ATP8A2: variants seen among roughly 807,000 people sequenced by gnomAD.
ATP8A2 encodes phospholipid-transporting ATPase IB.
A neutral mutation model predicts 165.6 loss-of-function variants in ATP8A2; 100 were observed. The observed-to-expected ratio is 0.60, with a 90% CI of 0.51 to 0.71. The LOEUF (loss-of-function observed/expected upper bound fraction) is 0.71, where lower values mean the gene tolerates loss of function less well. ATP8A2 is among the 30% of genes least tolerant of loss of function. ATP8A2 has a pLI of 0.00. For synonymous variants in ATP8A2, 543 were observed against 548.8 expected, an observed-to-expected ratio of 0.99 and a Z score of 0.15; for missense variants, 1,227 against 1,479.5, an observed-to-expected ratio of 0.83 and a Z score of 2.80.
At position 26,020,721 on chromosome 13, in the gene ATP8A2, G is replaced by A. The variant is rs1021633088; in HGVS notation, c.*736G>A. ...GGCTGGCCACACCACTCAGTGCATG[G>A]CGGCCGATGGGCAGCCAACCCAAAC... On this transcript the variant is annotated 3_prime_UTR_variant, in exon 37 of 37. Transcript: ENST00000381655. 1 of 152,494 alleles carries A rather than the reference G, an allele frequency of 6.6e-6. No homozygotes were observed. The highest frequency in any genetic ancestry group is 2.4e-5 in the African/African-American group (1 of 41,460). The allele number at this position is 152,494 out of a possible 1,614,324, so 9.4% of individuals were successfully genotyped here. A position where few individuals can be genotyped will look rare whatever the true frequency, so the allele number is the denominator to read the frequency against.
intron 25 of ATP8A2, among the ~76,000 whole-genome samples, chr13:25,719,551 G>C (rs543840796): frequency 5.3e-5 from 8 of 152,136 alleles, no homozygotes; most frequent in Non-Finnish European, 1.0e-4. Context: ...CAGAACATTT[G>C]TTACTCACCT....
chr13:25,493,064 A>C (rs918309352), intron 2 of ATP8A2, among the ~76,000 whole-genome samples: 3 of 152,216 alleles, frequency 2.0e-5, no homozygotes, highest in Non-Finnish European at 4.4e-5. Flanking sequence ...CTGTCCAATT[A>C]GTCAGTTTGA....
intron 26 of ATP8A2, among the ~76,000 whole-genome samples, chr13:25,769,712 T>C (rs1171367826): frequency 2.0e-5 from 3 of 152,126 alleles, no homozygotes; most frequent in Non-Finnish European, 4.4e-5. Flanking sequence ...GCTGTCGCCT[T>C]CTCTGTAGTT....
intron 25 of ATP8A2, among the ~76,000 whole-genome samples, chr13:25,708,602 A>G (rs769905552): frequency 6.6e-6 from 1 of 152,138 alleles, no homozygotes; most frequent in Non-Finnish European, 1.5e-5. Context: ...AAACCATAAA[A>G]AAAAAACTCC....
chr13:25,403,974 A>C (rs1355911561), intron 1 of ATP8A2, among the ~76,000 whole-genome samples: 1 of 152,220 alleles, frequency 6.6e-6, no homozygotes, highest in African/African-American at 2.4e-5. Flanking sequence ...TCATTCACTC[A>C]TCCATCCATT....
intron 33 of ATP8A2, among the ~76,000 whole-genome samples, chr13:25,914,244 G>A (rs953047192): frequency 3.3e-5 from 5 of 151,852 alleles, no homozygotes; most frequent in African/African-American, 9.7e-5. Flanking sequence ...TTTTCCTATG[G>A]TATCACTTCC....
At chr13:25,731,341 A>G (rs1252681632) in intron 25 of ATP8A2, among the ~76,000 whole-genome samples, 1 of 127,662 alleles carries the variant, frequency 7.8e-6, no homozygotes, top group Non-Finnish European at 1.7e-5. Context: ...AGAAAGGGAA[A>G]GAAGAAAGAA....
At chr13:25,786,650 A>G (rs2045033737) in intron 27 of ATP8A2, among the ~76,000 whole-genome samples, 1 of 151,916 alleles carries the variant, frequency 6.6e-6, no homozygotes, top group Non-Finnish European at 1.5e-5. Flanking sequence ...GGTTGCCTTT[A>G]TTCTACTGAA....
In ATP8A2 at chr13:25,553,799, C is replaced by T. The variant is rs1427750623; in HGVS notation, c.1064C>T (p.Thr355Ile). The T allele has an allele frequency of 2.5e-6, 4 of 1,612,744 alleles. No homozygotes were observed. The highest frequency in any genetic ancestry group is 1.3e-5 in the African/African-American group (1 of 74,890). ...KNWYIKKMDTTSDNFGYNLLT... is the reference protein window; with the variant it reads ...KNWYIKKMDTISDNFGYNLLT... ...CTCTGGTTTCCTTCCACAGACACCACCTCAGATAATTTTGGATACAACCTA... is the reference window on the plus strand; with the variant it reads ...CTCTGGTTTCCTTCCACAGACACCATCTCAGATAATTTTGGATACAACCTA... Residue 355 changes from threonine to isoleucine, a missense_variant, in exon 12 of 37, where the codon ACC becomes ATC. Physicochemically the swap from Thr to Ile is moderately conservative, Grantham distance 89. Transcript: ENST00000381655.
At position 25,924,899 on chromosome 13, in the gene ATP8A2, G is replaced by A. The variant is rs759041913; in HGVS notation, c.3184-36676G>A. On this transcript the variant is annotated intron_variant, in intron 33 of 36. Transcript: ENST00000381655. ...CACACACTCTCTTGACTGCTGCCAC[G>A]TAAGACATGCCTTTGCTCCTCCTTT... Among the ~76,000 whole-genome samples, 21 of 152,254 alleles carry A rather than the reference G, an allele frequency of 1.4e-4. 1 individual carries two copies. Among genetic ancestry groups the A allele is most frequent in the Middle Eastern group, 3.4e-3 (1 of 294 alleles).
chr13:25,837,423 CCACA>C (rs72194516), intron 29 of ATP8A2, 138 bp downstream of exon 29: 95,595 of 309,302 alleles, frequency 0.31, 14,569 homozygotes, highest in East Asian at 0.38. Flanking sequence ...CACCCCACCA[CCACA>C]CACACACACA....
intron 25 of ATP8A2, among the ~76,000 whole-genome samples, chr13:25,743,998 G>C (rs1383125014): frequency 4.6e-5 from 7 of 152,150 alleles, no homozygotes; most frequent in Non-Finnish European, 8.8e-5. Context: ...TATGAAAGAA[G>C]TATGTACTGT....
rs371370879 is a variant in ATP8A2, at chr13:26,010,022, C to T, written c.3378-2509C>T. On this transcript the variant is annotated intron_variant, in intron 35 of 36. Transcript: ENST00000381655. ...CAGAGGCTGCAGTGAGCCGAGATTG[C>T]GCCACTGCACTCCAGCCTGGGCAAC... 6.6e-5 allele frequency among the ~76,000 whole-genome samples: 10 copies of T among 152,210 alleles called. No individual in the cohort carries two copies. The East Asian group carries it at 9.7e-4, about 15-fold the overall frequency.
chr13:25,759,346 G>C (rs369702194), intron 25 of ATP8A2, among the ~76,000 whole-genome samples: 2 of 152,138 alleles, frequency 1.3e-5, no homozygotes, highest in African/African-American at 4.8e-5. Context: ...ATTTTCAGCC[G>C]TGCATGAGCT....
chr13:25,801,878 G>T (rs1201649068), intron 27 of ATP8A2, among the ~76,000 whole-genome samples: 4 of 152,050 alleles, frequency 2.6e-5, no homozygotes, highest in Admixed American at 6.5e-5. Flanking sequence ...TCTTCACATG[G>T]CAGCATCAAG....
chr13:25,605,614 G>A (rs1315512079), intron 24 of ATP8A2, among the ~76,000 whole-genome samples: 6 of 151,974 alleles, frequency 3.9e-5, no homozygotes. Flanking sequence ...TATATTGGTA[G>A]CCATTTTTTA....
At chr13:25,969,073 A>G (rs1400446656) in intron 35 of ATP8A2, among the ~76,000 whole-genome samples, 3 of 152,238 alleles carry the variant, frequency 2.0e-5, no homozygotes, top group African/African-American at 7.2e-5. Context: ...GAAGGTTTGC[A>G]TGTGAAATAA....
At chr13:25,412,461 A>G (rs949472351) in intron 1 of ATP8A2, among the ~76,000 whole-genome samples, 8 of 152,226 alleles carry the variant, frequency 5.3e-5, no homozygotes, top group Non-Finnish European at 1.0e-4. Context: ...TCTGTCTTCT[A>G]TAGCCACAGG....
intron 1 of ATP8A2, among the ~76,000 whole-genome samples, chr13:25,465,212 C>T (rs1464771743): frequency 6.6e-6 from 1 of 152,158 alleles, no homozygotes; most frequent in Non-Finnish European, 1.5e-5. Flanking sequence ...GTAATGTTTC[C>T]TTAGGCAATA....
Sources: gnomAD v4.1 joint callset for allele counts (sites outside exome capture counted in the v4.1 genomes callset) on GRCh38, gnomAD v4.1.1 for gene constraint, MANE v1.5 for transcripts, NCBI Gene and HGNC (gene_info 2026-07-23, HGNC 2026-07-21) for gene names.